IQGAP2: variants seen among roughly 807,000 people sequenced by gnomAD.
The protein encoded by IQGAP2 is IQ motif containing GTPase activating protein 2.
IQGAP2 carries 173 observed loss-of-function variants against 201.3 expected under a neutral mutation model. That is an observed-to-expected ratio of 0.86 (90% CI 0.76 to 0.98). The LOEUF (loss-of-function observed/expected upper bound fraction) is 0.98, where lower values mean the gene tolerates loss of function less well. Ranked by LOEUF, IQGAP2 falls within the 50% of genes least tolerant of loss-of-function variation. IQGAP2 has a pLI of 0.00. For missense variants in IQGAP2, 1,687 were observed against 1,864.8 expected (o/e 0.90, Z 1.76); for synonymous variants, 675 against 673.9 (o/e 1.00, Z -0.03).
At chr5:76,597,095 GA>G (rs544180188) in intron 9 of IQGAP2, 192 of 216,092 alleles carry the variant, frequency 8.9e-4, no homozygotes, top group South Asian at 1.9e-3. Context: ...CACATGATGA[GA>G]AATCCTTAAG....
chr5:76,580,105 A>C (rs1321394105), intron 5 of IQGAP2, among the ~76,000 whole-genome samples: 1 of 151,894 alleles, frequency 6.6e-6, no homozygotes, highest in Non-Finnish European at 1.5e-5. Flanking sequence ...GTGAAACCTC[A>C]TCTCTACCAA....
intron 1 of IQGAP2, among the ~76,000 whole-genome samples, chr5:76,405,762 A>G (rs1750762191): frequency 6.6e-6 from 1 of 152,116 alleles, no homozygotes; most frequent in African/African-American, 2.4e-5. Context: ...TCGTGCTGTG[A>G]GCTCTTCATG....
intron 21 of IQGAP2, among the ~76,000 whole-genome samples, chr5:76,660,561 A>G (rs1342608760): frequency 1.3e-5 from 2 of 152,246 alleles, no homozygotes; most frequent in Non-Finnish European, 1.5e-5. Flanking sequence ...AAATCAGTAC[A>G]TAGTTTAAAT....
chr5:76,623,898 G>A (rs796282927), intron 13 of IQGAP2, among the ~76,000 whole-genome samples: 7 of 139,724 alleles, frequency 5.0e-5, no homozygotes, highest in African/African-American at 1.9e-4. Context: ...GAGTGGTGGT[G>A]GTTTTTCTTC....
chr5:76,671,160 C>G (rs1171672318), intron 23 of IQGAP2, among the ~76,000 whole-genome samples: 3 of 152,092 alleles, frequency 2.0e-5, no homozygotes, highest in Admixed American at 6.6e-5. Context: ...ACTCAGGAGG[C>G]TGAGATAGGA....
chr5:76,697,944 C>G (rs770641756), intron 32 of IQGAP2, 43 bp from the exon 33 acceptor site: 17 of 1,509,206 alleles, frequency 1.1e-5, no homozygotes, highest in Non-Finnish European at 1.5e-5. Flanking sequence ...TATCATAAAG[C>G]AAACTTCTGC....
At chr5:76,435,597 A>G (rs1752609252) in intron 1 of IQGAP2, among the ~76,000 whole-genome samples, 1 of 152,178 alleles carries the variant, frequency 6.6e-6, no homozygotes, top group Non-Finnish European at 1.5e-5. Flanking sequence ...GCCTTGCAGT[A>G]TAATTTGAAG....
intron 1 of IQGAP2, among the ~76,000 whole-genome samples, chr5:76,410,503 A>G (rs1178676503): frequency 1.3e-5 from 2 of 152,136 alleles, no homozygotes; most frequent in African/African-American, 2.4e-5. Context: ...CAGCGATGTG[A>G]GCATTTGGTG....
In IQGAP2 at chr5:76,598,775, A is replaced by G. The variant is rs1043676201; in HGVS notation, c.1071+1173A>G. Among the ~76,000 whole-genome samples, 6 of 152,218 alleles carry G rather than the reference A, an allele frequency of 3.9e-5. No homozygotes were observed. The East Asian group carries it at 1.2e-3, about 29-fold the overall frequency. ...AGCATTGTTTAGAATACTGAAAACC[A>G]GGAAACAAATGTTTAATTAATAACA... On this transcript the variant is annotated intron_variant, in intron 10 of 35. Transcript: ENST00000274364.
intron 2 of IQGAP2, among the ~76,000 whole-genome samples, chr5:76,557,478 T>A (rs1020829651): frequency 2.0e-5 from 3 of 152,234 alleles, no homozygotes; most frequent in African/African-American, 7.2e-5. Flanking sequence ...TCTTTTGACT[T>A]TCAAGGCAGA....
At chr5:76,412,938 G>A (rs1260214230) in intron 1 of IQGAP2, among the ~76,000 whole-genome samples, 2 of 152,080 alleles carry the variant, frequency 1.3e-5, no homozygotes, top group African/African-American at 2.4e-5. Flanking sequence ...AGATGGAAAC[G>A]TACATGCTCA....
At chr5:76,567,419 A>G (rs1744829504) in intron 3 of IQGAP2, among the ~76,000 whole-genome samples, 1 of 152,232 alleles carries the variant, frequency 6.6e-6, no homozygotes, top group Non-Finnish European at 1.5e-5. Flanking sequence ...TCTAATGCCA[A>G]ACATTTCAGA....
intron 2 of IQGAP2, among the ~76,000 whole-genome samples, chr5:76,492,103 A>G (rs1756585872): frequency 6.6e-6 from 1 of 152,126 alleles, no homozygotes; most frequent in Non-Finnish European, 1.5e-5. Flanking sequence ...ATGTTGATCA[A>G]CTGTATGAAT....
intron 14 of IQGAP2, among the ~76,000 whole-genome samples, chr5:76,628,158 C>G (rs1219122911): frequency 6.6e-6 from 1 of 152,224 alleles, no homozygotes; most frequent in Non-Finnish European, 1.5e-5. Context: ...TCTTCCACCC[C>G]TCCCCCAAAG....
At position 76,683,269 on chromosome 5, in the gene IQGAP2, GT is replaced by G. The variant is rs775554505; in HGVS notation, c.3763+54del. On this transcript the variant is annotated intron_variant, in intron 29 of 35. Coordinates refer to ENST00000274364, the MANE Select transcript of IQGAP2 (RefSeq NM_006633.5). ...CCTTGGTTTTTGTTTAATTGGGTGGGTTGGTTGGTTGGTTCGTTGGTTTTCC... is the reference window on the plus strand; with the variant it reads ...CCTTGGTTTTTGTTTAATTGGGTGGGTGGTTGGTTGGTTCGTTGGTTTTCC... 3.1e-5 allele frequency: 38 copies of G among 1,214,200 alleles called. No homozygotes were observed. The South Asian group carries it at 5.0e-4, about 16-fold the overall frequency. The allele number at this position is 1,214,200 out of a possible 1,614,324, so 75.2% of individuals were successfully genotyped here.
chr5:76,529,609 C>G (rs1759163578), intron 2 of IQGAP2, among the ~76,000 whole-genome samples: 1 of 149,890 alleles, frequency 6.7e-6, no homozygotes, highest in African/African-American at 2.4e-5. Context: ...GCCTGGGTGA[C>G]AGACCAAGAC....
intron 13 of IQGAP2, among the ~76,000 whole-genome samples, chr5:76,626,354 C>A (rs1750238709): frequency 6.9e-6 from 1 of 144,098 alleles, no homozygotes; most frequent in Non-Finnish European, 1.5e-5. Flanking sequence ...CTTACTGCAA[C>A]CTCCACCCAC....
At chr5:76,498,550 C>A (rs1757109818) in intron 2 of IQGAP2, among the ~76,000 whole-genome samples, 1 of 152,162 alleles carries the variant, frequency 6.6e-6, no homozygotes, top group South Asian at 2.1e-4. Context: ...GCATTGTGAC[C>A]TTGGGCTGTT....
At chr5:76,613,221 C>G (rs1435977110) in intron 13 of IQGAP2, among the ~76,000 whole-genome samples, 1 of 152,222 alleles carries the variant, frequency 6.6e-6, no homozygotes. Context: ...AGTGAGGGCT[C>G]ATACACAAGC....
Sources: allele counts gnomAD v4.1 joint callset (sites outside exome capture counted in the v4.1 genomes callset), GRCh38; gene constraint gnomAD v4.1.1; transcripts MANE v1.5; gene names NCBI Gene and HGNC (gene_info 2026-07-23, HGNC 2026-07-21).